Variants in LIN28B observed in about 807,000 individuals in gnomAD.
LIN28B encodes the protein protein lin-28 homolog B.
Under a neutral mutation model 21.9 loss-of-function variants are expected in LIN28B, and 5 were observed. That is an observed-to-expected ratio of 0.23 (90% CI 0.12 to 0.48). LIN28B has a LOEUF of 0.48. Ranked by LOEUF, LIN28B falls within the 20% of genes least tolerant of loss-of-function variation. LIN28B has a pLI of 0.98. For missense variants in LIN28B, 245 were observed against 310.5 expected (o/e 0.79, Z 1.58); for synonymous variants, 109 against 111.3 (o/e 0.98, Z 0.13).
intron 2 of LIN28B, among the ~76,000 whole-genome samples, chr6:104,940,710 C>A (rs2114538154): frequency 6.6e-6 from 1 of 150,780 alleles, no homozygotes; most frequent in East Asian, 2.0e-4. Flanking sequence ...GGCTCAGCCC[C>A]CTCCTCCCCG....
intron 2 of LIN28B, among the ~76,000 whole-genome samples, chr6:105,013,390 CT>C (rs1033489629): frequency 6.6e-6 from 1 of 150,886 alleles, no homozygotes; most frequent in Non-Finnish European, 1.5e-5. Context: ...ATTTATGTAT[CT>C]TTTTTTTTAA....
chr6:104,999,598 G>A (rs775722495), intron 2 of LIN28B, among the ~76,000 whole-genome samples: 6 of 152,216 alleles, frequency 3.9e-5, no homozygotes, highest in Non-Finnish European at 7.3e-5. Context: ...ATTAAATCAT[G>A]AACATCAATG....
chr6:105,068,598 T>C (rs1262486372), intron 3 of LIN28B, among the ~76,000 whole-genome samples: 3 of 152,274 alleles, frequency 2.0e-5, no homozygotes, highest in East Asian at 1.9e-4. Context: ...TACTGGACAA[T>C]ACAGAGCCTT....
chr6:105,043,368 A>G lies in LIN28B; in HGVS notation c.383+16886A>G, dbSNP rs1180508606. On this transcript the variant is annotated intron_variant, in intron 3 of 3. Coordinates refer to ENST00000345080, the MANE Select transcript of LIN28B (RefSeq NM_001004317.4). Reference sequence around the variant, plus strand: ...AAAAAAAAAAAAAAAAAAAAAAAAAAAAAAGAAAACTAAAACTATACAAAG... The same window carrying G: ...AAAAAAAAAAAAAAAAAAAAAAAAAGAAAAGAAAACTAAAACTATACAAAG... Among the ~76,000 whole-genome samples, 31 of 125,754 alleles carry G rather than the reference A, an allele frequency of 2.5e-4. No individual in the cohort carries two copies. The East Asian group carries it at 4.5e-3, about 18-fold the overall frequency. 82.5% of individuals were successfully genotyped at this position (125,754 alleles called of 152,430 possible). A position where few individuals can be genotyped will look rare whatever the true frequency, so the allele number is the denominator to read the frequency against.
At chr6:105,075,970 G>T (rs1440273531) in intron 3 of LIN28B, among the ~76,000 whole-genome samples, 1 of 152,156 alleles carries the variant, frequency 6.6e-6, no homozygotes, top group Non-Finnish European at 1.5e-5. Flanking sequence ...TTTAATTTAA[G>T]AATTCACTTA....
chr6:105,022,632 A>G (rs1771162862), intron 2 of LIN28B, among the ~76,000 whole-genome samples: 1 of 152,020 alleles, frequency 6.6e-6, no homozygotes, highest in South Asian at 2.1e-4. Flanking sequence ...AAGGTAGGTC[A>G]GTTTTTGCAC....
At chr6:104,955,842 AAATAAAGT>A (rs1376826012), upstream of LIN28B, among the ~76,000 whole-genome samples, 7 of 152,154 alleles carry the variant, frequency 4.6e-5, no homozygotes, top group Admixed American at 2.6e-4. Flanking sequence ...ATTTTAAAGG[AAATAAAGT>A]CTTTTTAGTT....
chr6:104,978,542 GAAAGGAGT>G (rs1770154890), intron 2 of LIN28B, among the ~76,000 whole-genome samples: 1 of 151,406 alleles, frequency 6.6e-6, no homozygotes, highest in African/African-American at 2.4e-5. Flanking sequence ...TCCAGTGTCT[GAAAGGAGT>G]ATAAAGGTAT....
At chr6:104,981,087 G>A (rs1156812416) in intron 2 of LIN28B, among the ~76,000 whole-genome samples, 1 of 152,150 alleles carries the variant, frequency 6.6e-6, no homozygotes. Flanking sequence ...GCAGGACATA[G>A]CTTTTCACAT....
chr6:104,963,267 C>G (rs983510785), intron 2 of LIN28B, among the ~76,000 whole-genome samples: 1 of 152,086 alleles, frequency 6.6e-6, no homozygotes, highest in African/African-American at 2.4e-5. Context: ...AGGATGCTCT[C>G]GATCTCCTGA....
intron 2 of LIN28B, among the ~76,000 whole-genome samples, chr6:105,009,984 A>G (rs182168004): frequency 6.6e-6 from 1 of 151,976 alleles, no homozygotes; most frequent in African/African-American, 2.4e-5. Flanking sequence ...CCTTCTCCCC[A>G]TTTTCCAATT....
chr6:104,937,666 G>C (rs1327025031), intron 2 of LIN28B, among the ~76,000 whole-genome samples: 1 of 152,138 alleles, frequency 6.6e-6, no homozygotes, highest in Non-Finnish European at 1.5e-5. Flanking sequence ...GTAAAATGAC[G>C]TGATGCCTGG....
chr6:105,071,763 A>G (rs1772338235), intron 3 of LIN28B, among the ~76,000 whole-genome samples: 1 of 152,232 alleles, frequency 6.6e-6, no homozygotes, highest in Non-Finnish European at 1.5e-5. Flanking sequence ...TGGGCTAACT[A>G]AAATTTCCAT....
Position 104,943,579 on chromosome 6 carries a change from A to G in LIN28B, c.18+6463A>G, listed in dbSNP as rs1778122366. 5.9e-5 allele frequency among the ~76,000 whole-genome samples: 9 copies of G among 152,264 alleles called. No individual in the cohort carries two copies. The South Asian group carries it at 1.9e-3, about 32-fold the overall frequency. ...ACAGGGATGAATCAATTTAGAAGTA[A>G]TTAAATTATTGATTATGAAAGTGGC... On this transcript the variant is annotated intron_variant, in intron 2 of 5. Transcript: ENST00000635857.
chr6:105,033,892 T>C (rs1301932346), intron 3 of LIN28B, among the ~76,000 whole-genome samples: 1 of 151,696 alleles, frequency 6.6e-6, no homozygotes, highest in Admixed American at 6.6e-5. Context: ...TTCTATTATT[T>C]ATATGAAATA....
At chr6:104,998,053 A>G (rs765490833) in intron 2 of LIN28B, among the ~76,000 whole-genome samples, 1 of 152,196 alleles carries the variant, frequency 6.6e-6, no homozygotes, top group African/African-American at 2.4e-5. Flanking sequence ...TTTGTTATCC[A>G]TTTAACTTGT....
chr6:105,063,648 G>C (rs507296), intron 3 of LIN28B, among the ~76,000 whole-genome samples: 1 of 133,234 alleles, frequency 7.5e-6, no homozygotes, highest in Non-Finnish European at 1.6e-5. Flanking sequence ...GGGGGGGGGG[G>C]AAAAAAAGGT....
Position 104,943,056 on chromosome 6 carries a change from G to A in LIN28B, c.18+5940G>A, listed in dbSNP as rs987494113. Reference sequence around the variant, plus strand: ...TAGTCAAGATTTAAATTTAAAAATCGCTAGGTTGTGAGGCGAGGTATGTCA... The same window carrying A: ...TAGTCAAGATTTAAATTTAAAAATCACTAGGTTGTGAGGCGAGGTATGTCA... On this transcript the variant is annotated intron_variant, in intron 2 of 5. Coordinates refer to the LIN28B transcript ENST00000635857. Among the ~76,000 whole-genome samples the A allele has an allele frequency of 3.3e-5, 5 of 152,080 alleles. No individual in the cohort carries two copies. The East Asian group carries it at 5.8e-4, about 18-fold the overall frequency.
chr6:105,034,639 ATT>A (rs1341751252), intron 3 of LIN28B, among the ~76,000 whole-genome samples: 1 of 152,046 alleles, frequency 6.6e-6, no homozygotes, highest in African/African-American at 2.4e-5. Flanking sequence ...ATCATGGTGT[ATT>A]TATCATTTAT....
Sources: gnomAD v4.1 joint callset for allele counts (sites outside exome capture counted in the v4.1 genomes callset) on GRCh38, gnomAD v4.1.1 for gene constraint, MANE v1.5 for transcripts, NCBI Gene and HGNC (gene_info 2026-07-23, HGNC 2026-07-21) for gene names.